ENTPD5: variants seen among roughly 807,000 people sequenced by gnomAD.
The protein encoded by ENTPD5 is nucleoside diphosphate phosphatase ENTPD5.
A neutral mutation model predicts 60.2 loss-of-function variants in ENTPD5; 49 were observed. That is an observed-to-expected ratio of 0.81 (90% CI 0.65 to 1.03). The LOEUF (loss-of-function observed/expected upper bound fraction) is 1.03, where lower values mean the gene tolerates loss of function less well. ENTPD5 is among the 50% of genes least tolerant of loss of function. ENTPD5 has a pLI of 0.00. For missense variants in ENTPD5, 480 were observed against 507.6 expected, an observed-to-expected ratio of 0.95 and a Z score of 0.52; for synonymous variants, 187 against 185.4, an observed-to-expected ratio of 1.01 and a Z score of -0.07.
At chr14:73,996,165 C>T (rs73301475) in intron 3 of ENTPD5, 61,983 of 985,184 alleles carry the variant, frequency 0.063, 2,639 homozygotes, top group South Asian at 0.27. Flanking sequence ...GCCTTTTGCT[C>T]TTTGCTCCTG....
intron 3 of ENTPD5, among the ~76,000 whole-genome samples, chr14:73,999,317 A>C (rs759608684): frequency 4.4e-4 from 67 of 150,866 alleles, no homozygotes; most frequent in Non-Finnish European, 8.4e-4. Context: ...GTGAAACCCC[A>C]TATCTACTAA....
Position 73,966,853 on chromosome 14 carries a change from G to T in ENTPD5, c.*75C>A. ...TCAAGTCCAGGATGTCCCCAGACTA[G>T]TTCAGAAACTAAGTGCTCTCTCCTC... On this transcript the variant is annotated 3_prime_UTR_variant, in exon 16 of 16. Transcript: ENST00000334696. 8.7e-7 allele frequency: 1 copy of T among 1,149,362 alleles called. No homozygotes were observed. The highest frequency in any genetic ancestry group is 1.3e-6 in the Non-Finnish European group (1 of 763,542). 71.2% of individuals were successfully genotyped at this position (1,149,362 alleles called of 1,614,324 possible).
downstream of ENTPD5, chr14:73,958,274 G>T: frequency 6.2e-7 from 1 of 1,613,948 alleles, no homozygotes; most frequent in Non-Finnish European, 8.5e-7. Flanking sequence ...AGACCAAATT[G>T]TTGGTAGTTG....
At chr14:73,981,496 A>G (rs1220245355) in intron 6 of ENTPD5, among the ~76,000 whole-genome samples, 1 of 145,748 alleles carries the variant, frequency 6.9e-6, no homozygotes, top group African/African-American at 2.5e-5. Flanking sequence ...AAAAAAATGT[A>G]TATATATATA....
intron 1 of ENTPD5, chr14:74,018,365 A>G (rs1166396776): frequency 6.6e-6 from 1 of 152,186 alleles, no homozygotes; most frequent in African/African-American, 2.4e-5. Flanking sequence ...GTGACGAAGG[A>G]TCTACAACCA....
chr14:74,009,591 T>C (rs967354898), intron 3 of ENTPD5, among the ~76,000 whole-genome samples: 3 of 152,226 alleles, frequency 2.0e-5, no homozygotes, highest in Non-Finnish European at 4.4e-5. Context: ...TAAAATGCTT[T>C]CCTTCTAAAT....
At chr14:73,991,028 C>CAAAACA (rs1269152923) in intron 3 of ENTPD5, among the ~76,000 whole-genome samples, 4 of 151,862 alleles carry the variant, frequency 2.6e-5, no homozygotes, top group East Asian at 1.9e-4. Flanking sequence ...GACTGTGTCT[C>CAAAACA]AAAACAAAAA....
chr14:74,000,254 C>T (rs911018711), intron 3 of ENTPD5, among the ~76,000 whole-genome samples: 4 of 150,790 alleles, frequency 2.7e-5, no homozygotes, highest in East Asian at 2.0e-4. Context: ...CTCAGGAGTT[C>T]GAGACCAGCC....
At chr14:73,980,231 G>A (rs907053983) in intron 6 of ENTPD5, among the ~76,000 whole-genome samples, 4 of 150,236 alleles carry the variant, frequency 2.7e-5, no homozygotes, top group African/African-American at 9.8e-5. Context: ...ACAGGCATGA[G>A]CCACCGCGCC....
Position 73,987,915 on chromosome 14 carries a change from T to G in ENTPD5, c.188A>C (p.His63Pro). The part of the protein sequence containing the change: ...FDAGSTGTRI[H>P]VYTFVQKMPG... ...CATTTTCTGCACAAAGGTGTAAACA[T>G]GAATTCGAGTTCCAGTGCTCCCTGC... Residue 63 changes from histidine (H) to proline (P), a missense_variant, in exon 4 of 16, where the codon CAT (histidine) becomes CCT (proline). By Grantham distance (77) the His-to-Pro change is moderately conservative (BLOSUM62 -2). Transcript: ENST00000334696. 6.2e-7 allele frequency: 1 copy of G among 1,614,170 alleles called. No homozygotes were observed. The highest frequency in any genetic ancestry group is 8.5e-7 in the Non-Finnish European group (1 of 1,180,028).
chr14:73,999,317 A>ATTC (rs2058432211), intron 3 of ENTPD5, among the ~76,000 whole-genome samples: 2 of 150,866 alleles, frequency 1.3e-5, no homozygotes, highest in Non-Finnish European at 2.9e-5. Context: ...GTGAAACCCC[A>ATTC]TATCTACTAA....
chr14:73,974,410 C>T lies in ENTPD5; in HGVS notation c.785-432G>A, dbSNP rs557334002. On this transcript the variant is annotated intron_variant, in intron 11 of 15. Coordinates refer to ENST00000334696, the MANE Select transcript of ENTPD5 (RefSeq NM_001249.5). ...TGCAAAATAGATGTCATCCCAATAACAGATTACTGTACAAAGTGCCTTAAA... is the reference window on the plus strand; with the variant it reads ...TGCAAAATAGATGTCATCCCAATAATAGATTACTGTACAAAGTGCCTTAAA... Among the ~76,000 whole-genome samples, 11 of 152,298 alleles carry T rather than the reference C, an allele frequency of 7.2e-5. No homozygotes were observed. In the South Asian group the frequency reaches 1.0e-3, roughly 14 times the overall value.
chr14:74,007,668 C>T (rs1029697143), intron 3 of ENTPD5: 6 of 151,336 alleles, frequency 4.0e-5, no homozygotes, highest in Non-Finnish European at 7.4e-5. Context: ...TAAAAGTCAG[C>T]TTTTGAGCTG....
intron 3 of ENTPD5, among the ~76,000 whole-genome samples, chr14:73,990,052 G>C (rs1221231457): frequency 3.3e-5 from 5 of 151,764 alleles, no homozygotes; most frequent in African/African-American, 1.2e-4. Flanking sequence ...AGGTATGGTG[G>C]CACATGCCTA....
intron 2 of ENTPD5, among the ~76,000 whole-genome samples, chr14:74,014,612 C>T (rs563526503): frequency 5.3e-5 from 8 of 152,182 alleles, no homozygotes; most frequent in East Asian, 1.9e-4. Flanking sequence ...ATAAGTAAAA[C>T]ATTGAATGTT....
chr14:73,972,836 C>A (rs747220170), intron 13 of ENTPD5, 48 bp downstream of exon 13: 1 of 1,602,418 alleles, frequency 6.2e-7, no homozygotes, highest in South Asian at 1.1e-5. Flanking sequence ...TTCCCCACCA[C>A]AGCCCTATCC....
At chr14:73,993,402 C>T (rs1333370064) in intron 3 of ENTPD5, among the ~76,000 whole-genome samples, 2 of 152,154 alleles carry the variant, frequency 1.3e-5, no homozygotes, top group Non-Finnish European at 2.9e-5. Context: ...CTGGAACCAT[C>T]CGTTAGAACA....
chr14:73,958,736 G>A, downstream of ENTPD5: 1 of 1,427,404 alleles, frequency 7.0e-7, no homozygotes, highest in Non-Finnish European at 9.2e-7. Flanking sequence ...GGGCCTGGCT[G>A]AGTTTAACTC....
intron 3 of ENTPD5, among the ~76,000 whole-genome samples, chr14:73,993,120 T>G (rs2058204770): frequency 6.6e-6 from 1 of 152,170 alleles, no homozygotes; most frequent in African/African-American, 2.4e-5. Flanking sequence ...GTGGATTGTT[T>G]GAGGTCAGGA....
Sources: gnomAD v4.1 joint callset for allele counts (sites outside exome capture counted in the v4.1 genomes callset) on GRCh38, gnomAD v4.1.1 for gene constraint, MANE v1.5 for transcripts, NCBI Gene and HGNC (gene_info 2026-07-23, HGNC 2026-07-21) for gene names.